CNTNAP2: variants seen among roughly 807,000 people sequenced by gnomAD.
CNTNAP2 encodes the protein contactin associated protein 2.
In CNTNAP2, 98 loss-of-function variants were observed where a neutral mutation model predicts 155.2. The observed-to-expected ratio is 0.63, with a 90% CI of 0.54 to 0.75. CNTNAP2 has a LOEUF of 0.75. CNTNAP2 is among the 30% of genes least tolerant of loss of function. The pLI is 0.00. For synonymous variants in CNTNAP2, 651 were observed against 631.2 expected (o/e 1.03, Z -0.47); for missense variants, 1,727 against 1,688.1 (o/e 1.02, Z -0.40).
intron 11 of CNTNAP2, among the ~76,000 whole-genome samples, chr7:147,538,878 C>G (rs188601229): frequency 6.6e-6 from 1 of 152,186 alleles, no homozygotes. Flanking sequence ...TAGTAAGATG[C>G]TCCAGGGAGT....
At chr7:147,919,459 CT>C (rs796710849) in intron 14 of CNTNAP2, among the ~76,000 whole-genome samples, 49 of 51,224 alleles carry the variant, frequency 9.6e-4, no homozygotes, top group Middle Eastern at 0.017. Flanking sequence ...CTTTTTCTTT[CT>C]TTTTTTTTTT....
At chr7:148,126,826 G>A (rs1216104257) in intron 16 of CNTNAP2, among the ~76,000 whole-genome samples, 1 of 152,162 alleles carries the variant, frequency 6.6e-6, no homozygotes. Context: ...TACGGAGAAG[G>A]GAAGAATAGG....
chr7:147,256,962 C>A (rs1039290137), intron 8 of CNTNAP2, among the ~76,000 whole-genome samples: 2 of 151,394 alleles, frequency 1.3e-5, no homozygotes, highest in Non-Finnish European at 2.9e-5. Context: ...GAAAAAAAAT[C>A]AAGCATAGAA....
rs922984457 is a variant in CNTNAP2, at chr7:147,319,754, A to C, written c.1498+19464A>C. Among the ~76,000 whole-genome samples the C allele has an allele frequency of 3.9e-5, 6 of 152,172 alleles. No homozygotes were observed. In the East Asian group the frequency reaches 1.2e-3, roughly 29 times the overall value. ...TAATATTAACTTTTAAGATAGAGGG[A>C]AAAAATCCAAATTATTAGGATAGTC... On this transcript the variant is annotated intron_variant, in intron 9 of 23. Coordinates refer to ENST00000361727, the MANE Select transcript of CNTNAP2 (RefSeq NM_014141.6).
At chr7:147,181,865 G>A (rs554344014) in intron 8 of CNTNAP2, among the ~76,000 whole-genome samples, 13 of 151,988 alleles carry the variant, frequency 8.6e-5, no homozygotes, top group South Asian at 2.1e-4. Context: ...AGTGGCTCAC[G>A]CCTGTAGTTC....
At chr7:148,304,859 T>C (rs918460309) in intron 21 of CNTNAP2, among the ~76,000 whole-genome samples, 9 of 152,118 alleles carry the variant, frequency 5.9e-5, no homozygotes, top group African/African-American at 2.2e-4. Flanking sequence ...GTTTACTGGC[T>C]TTGGATAGAT....
intron 3 of CNTNAP2, among the ~76,000 whole-genome samples, chr7:146,904,069 A>C (rs540480774): frequency 6.6e-6 from 1 of 152,184 alleles, no homozygotes; most frequent in Admixed American, 6.5e-5. Context: ...ACAACCCTTC[A>C]TTGCTTTCCA....
At chr7:147,784,705 T>C (rs1338631289) in intron 13 of CNTNAP2, among the ~76,000 whole-genome samples, 1 of 150,368 alleles carries the variant, frequency 6.7e-6, no homozygotes, top group East Asian at 2.0e-4. Context: ...GGATTTGTGT[T>C]TTTTTATATA....
intron 20 of CNTNAP2, among the ~76,000 whole-genome samples, chr7:148,236,421 A>G (rs1475384889): frequency 2.6e-5 from 4 of 152,326 alleles, no homozygotes; most frequent in Middle Eastern, 3.4e-3. Context: ...GGCTCTAAAT[A>G]TCTAGACTTT....
At chr7:146,396,539 AT>A (rs1247746683) in intron 1 of CNTNAP2, among the ~76,000 whole-genome samples, 5 of 151,748 alleles carry the variant, frequency 3.3e-5, no homozygotes, top group African/African-American at 1.2e-4. Flanking sequence ...AAAAATGAAC[AT>A]TTTTTTCTGT....
chr7:148,030,498 G>C (rs890312579), intron 15 of CNTNAP2, among the ~76,000 whole-genome samples: 1 of 151,526 alleles, frequency 6.6e-6, no homozygotes, highest in Non-Finnish European at 1.5e-5. Flanking sequence ...TCAATGTCAA[G>C]GAATAATGTA....
At chr7:146,963,339 T>C (rs17133797) in intron 3 of CNTNAP2, among the ~76,000 whole-genome samples, 2,149 of 152,320 alleles carry the variant, frequency 0.014, 40 homozygotes, top group African/African-American at 0.048. Flanking sequence ...GTCTCAAATG[T>C]CATGTATCTT....
intron 15 of CNTNAP2, among the ~76,000 whole-genome samples, chr7:147,983,928 G>A (rs1280543703): frequency 1.3e-5 from 2 of 152,182 alleles, no homozygotes; most frequent in Admixed American, 6.5e-5. Flanking sequence ...TGAGGGCCTG[G>A]AAGGGGAAAG....
chr7:148,078,443 A>G (rs1465963833), intron 15 of CNTNAP2, among the ~76,000 whole-genome samples: 1 of 152,104 alleles, frequency 6.6e-6, no homozygotes, highest in Admixed American at 6.6e-5. Flanking sequence ...AATGAGTTTT[A>G]AATACTTATT....
intron 1 of CNTNAP2, among the ~76,000 whole-genome samples, chr7:146,222,907 C>T (rs3857777): frequency 6.6e-6 from 1 of 152,014 alleles, no homozygotes; most frequent in Non-Finnish European, 1.5e-5. Context: ...GATCCGCCCG[C>T]CTCGGCCTCC....
chr7:146,972,991 A>G (rs538256579), intron 3 of CNTNAP2, among the ~76,000 whole-genome samples: 12 of 152,256 alleles, frequency 7.9e-5, no homozygotes, highest in African/African-American at 2.9e-4. Context: ...CATTAAAGTA[A>G]AAATTCAGTT....
At chr7:147,668,463 A>G (rs80148568) in intron 13 of CNTNAP2, among the ~76,000 whole-genome samples, 12,209 of 152,286 alleles carry the variant, frequency 0.08, 781 homozygotes, top group Admixed American at 0.19. Flanking sequence ...CACAGTAGAC[A>G]GCAGCTCCAT....
chr7:148,354,547 C>T (rs1280765223), intron 21 of CNTNAP2, among the ~76,000 whole-genome samples: 1 of 152,034 alleles, frequency 6.6e-6, no homozygotes, highest in Admixed American at 6.6e-5. Flanking sequence ...TCCTGTCTCC[C>T]CAGGACCTGT....
intron 13 of CNTNAP2, among the ~76,000 whole-genome samples, chr7:147,671,060 C>T (rs1395820391): frequency 6.6e-6 from 1 of 152,242 alleles, no homozygotes; most frequent in African/African-American, 2.4e-5. Context: ...CTCCTGCCTC[C>T]ACTTACCCGT....
Sources: allele counts gnomAD v4.1 joint callset (sites outside exome capture counted in the v4.1 genomes callset), GRCh38; gene constraint gnomAD v4.1.1; transcripts MANE v1.5; gene names NCBI Gene and HGNC (gene_info 2026-07-23, HGNC 2026-07-21).